KAZN: variants seen among roughly 807,000 people sequenced by gnomAD.
KAZN encodes the protein kazrin, periplakin interacting protein.
In KAZN, 40 loss-of-function variants were observed where a neutral mutation model predicts 87.4. That is an observed-to-expected ratio of 0.46 (90% CI 0.36 to 0.60). The LOEUF (loss-of-function observed/expected upper bound fraction) is 0.60, where lower values mean the gene tolerates loss of function less well. KAZN is among the 20% of genes least tolerant of loss of function. The pLI is 0.00. For synonymous variants in KAZN, 466 were observed against 458.3 expected (o/e 1.02, Z -0.22); for missense variants, 898 against 1,073.9 (o/e 0.84, Z 2.29).
At chr1:14,381,356 C>T (rs1661352207) in intron 2 of KAZN, among the ~76,000 whole-genome samples, 1 of 150,630 alleles carries the variant, frequency 6.6e-6, no homozygotes, top group Admixed American at 6.6e-5. Context: ...ACCCTGCTAC[C>T]AAAACCGGAC....
intron 3 of KAZN, among the ~76,000 whole-genome samples, chr1:15,037,584 C>CATTATT (rs1557740560): frequency 6.6e-6 from 1 of 151,778 alleles, no homozygotes; most frequent in Non-Finnish European, 1.5e-5. Context: ...TGCCTGCTAC[C>CATTATT]ATTATTATTA....
intron 2 of KAZN, among the ~76,000 whole-genome samples, chr1:14,461,653 T>A (rs1667856623): frequency 6.6e-6 from 1 of 152,140 alleles, no homozygotes; most frequent in Middle Eastern, 3.2e-3. Context: ...TCTTCTGAAC[T>A]GAGGGGACAA....
intron 1 of KAZN, among the ~76,000 whole-genome samples, chr1:14,069,917 T>C (rs1057357000): frequency 6.6e-6 from 1 of 151,970 alleles, no homozygotes; most frequent in African/African-American, 2.4e-5. Context: ...ACGCCTGTAA[T>C]CCCAGCACTT....
chr1:14,867,408 G>A (rs1292335291), intron 1 of KAZN, among the ~76,000 whole-genome samples: 2 of 152,226 alleles, frequency 1.3e-5, no homozygotes, highest in Non-Finnish European at 1.5e-5. Context: ...GTATTCCCCC[G>A]GGACCTGACT....
At chr1:14,968,326 C>T (rs1004006218) in intron 2 of KAZN, among the ~76,000 whole-genome samples, 1 of 152,124 alleles carries the variant, frequency 6.6e-6, no homozygotes, top group Admixed American at 6.6e-5. Flanking sequence ...GGAGCTCCGG[C>T]GGTAATGTGA....
chr1:14,480,694 T>A (rs1225213594), intron 2 of KAZN, among the ~76,000 whole-genome samples: 2 of 145,462 alleles, frequency 1.4e-5, no homozygotes, highest in Non-Finnish European at 3.0e-5. Context: ...ATATATAAAA[T>A]ATATATTTTT....
rs185968808 is a variant in KAZN at position 14,194,622 on chromosome 1, A to G, written c.249+14030A>G. 4.5e-4 allele frequency among the ~76,000 whole-genome samples: 69 copies of G among 152,276 alleles called. No homozygotes were observed. In the East Asian group the frequency reaches 0.012, roughly 26 times the overall value. ...TTGGAGGGAGGAAAGACTCTGGGAA[A>G]GTACAGTGTTTTTCATGAAGGCTTC... On this transcript the variant is annotated intron_variant, in intron 2 of 16. Transcript: ENST00000636203.
chr1:14,927,402 T>G (rs1367922681), intron 1 of KAZN, among the ~76,000 whole-genome samples: 1 of 152,116 alleles, frequency 6.6e-6, no homozygotes, highest in Non-Finnish European at 1.5e-5. Flanking sequence ...AGATTTCCAG[T>G]AGGCAAATAG....
chr1:14,871,656 G>GTGTGTGTGTA (rs1425573720), intron 1 of KAZN, among the ~76,000 whole-genome samples: 2 of 149,788 alleles, frequency 1.3e-5, no homozygotes, highest in African/African-American at 4.9e-5. Flanking sequence ...AGCAGTGTGT[G>GTGTGTGTGTA]TGTGTGTGTG....
chr1:14,516,488 C>T lies in KAZN; in HGVS notation c.250-82495C>T, dbSNP rs142818558. ...GGCTCAGAGATGAGCACATGACCCA[C>T]GTCAGGCTAATGAGACTCAAGTCTA... On this transcript the variant is annotated intron_variant, in intron 2 of 16. Coordinates refer to the KAZN transcript ENST00000636203. Among the ~76,000 whole-genome samples the T allele has an allele frequency of 3.7e-4, 57 of 152,306 alleles. 1 individual carries two copies. The highest frequency in any genetic ancestry group is 1.3e-3 in the African/African-American group (54 of 41,562).
chr1:14,277,577 T>G (rs1351158660), intron 2 of KAZN, among the ~76,000 whole-genome samples: 1 of 151,216 alleles, frequency 6.6e-6, no homozygotes, highest in East Asian at 2.0e-4. Context: ...GGTGGAGAAT[T>G]GCTTGAACCC....
chr1:14,364,786 G>A (rs1434117283), intron 2 of KAZN, among the ~76,000 whole-genome samples: 1 of 152,194 alleles, frequency 6.6e-6, no homozygotes, highest in Non-Finnish European at 1.5e-5. Context: ...ATTGTTCCTT[G>A]TCTCTTTCAG....
chr1:15,015,255 CAA>C (rs1669971220), intron 2 of KAZN, among the ~76,000 whole-genome samples: 1 of 151,990 alleles, frequency 6.6e-6, no homozygotes, highest in Non-Finnish European at 1.5e-5. Flanking sequence ...CAGGTTCAAG[CAA>C]TTCTTCTGCT....
rs1285550127 is a variant in KAZN, at chr1:14,340,899, T to TTTTTC, written c.249+160311_249+160312insCTTTT. 6.4e-5 allele frequency among the ~76,000 whole-genome samples: 9 copies of TTTTTC among 141,634 alleles called. 1 individual carries two copies. Among genetic ancestry groups the TTTTTC allele is most frequent in the Admixed American group, 2.8e-4 (4 of 14,260 alleles). The allele number at this position is 141,634 out of a possible 152,430, so 92.9% of individuals were successfully genotyped here. The stretch of plus-strand genomic sequence containing the variant: ...GGTCATGATTTTCCCTTTTTTTTTT[T>TTTTTC]TTTTTTGAGATGGAGTCTCACTCTG... On this transcript the variant is annotated intron_variant, in intron 2 of 16. Transcript: ENST00000636203.
intron 1 of KAZN, among the ~76,000 whole-genome samples, chr1:14,694,125 C>A (rs1244080462): frequency 6.6e-6 from 1 of 152,222 alleles, no homozygotes; most frequent in African/African-American, 2.4e-5. Flanking sequence ...AAAGCAGGAC[C>A]TCTGCTGTGC....
At chr1:14,915,236 T>C (rs1218908268) in intron 1 of KAZN, among the ~76,000 whole-genome samples, 4 of 152,196 alleles carry the variant, frequency 2.6e-5, no homozygotes, top group African/African-American at 9.6e-5. Context: ...TGTAAACTGC[T>C]CTGTCTACTA....
At chr1:14,956,984 T>G (rs1368541700) in intron 1 of KAZN, among the ~76,000 whole-genome samples, 1 of 152,110 alleles carries the variant, frequency 6.6e-6, no homozygotes, top group East Asian at 1.9e-4. Flanking sequence ...AGTCGCATCC[T>G]CTAGGGTCCA....
intron 2 of KAZN, among the ~76,000 whole-genome samples, chr1:14,419,012 C>T (rs968033759): frequency 6.6e-5 from 10 of 152,244 alleles, no homozygotes; most frequent in Admixed American, 3.9e-4. Context: ...CAACTGTCAA[C>T]GAGTGTTCAA....
At chr1:14,555,118 T>C (rs1673782527) in intron 2 of KAZN, among the ~76,000 whole-genome samples, 1 of 152,248 alleles carries the variant, frequency 6.6e-6, no homozygotes. Flanking sequence ...GTGACTTCAC[T>C]GTGTCTTTAC....
Sources: allele counts gnomAD v4.1 joint callset (sites outside exome capture counted in the v4.1 genomes callset), GRCh38; gene constraint gnomAD v4.1.1; transcripts MANE v1.5; gene names NCBI Gene and HGNC (gene_info 2026-07-23, HGNC 2026-07-21).